CDHR1: variants seen among roughly 807,000 people sequenced by gnomAD.
The protein encoded by CDHR1 is cadherin related family member 1.
CDHR1 carries 61 observed loss-of-function variants against 72.1 expected under a neutral mutation model. That is an observed-to-expected ratio of 0.85 (90% CI 0.69 to 1.05). The LOEUF (loss-of-function observed/expected upper bound fraction) is 1.05. CDHR1 is among the 50% of genes least tolerant of loss of function. The pLI, the probability that CDHR1 is intolerant of heterozygous loss-of-function variation, is 0.00. For synonymous variants in CDHR1, 470 were observed against 448.1 expected (o/e 1.05, Z -0.62); for missense variants, 1,186 against 1,115.7 (o/e 1.06, Z -0.90).
intron 3 of CDHR1, 137 bp from the exon 4 acceptor site, chr10:84,197,649 T>C (rs2132790711): frequency 1.2e-6 from 1 of 807,598 alleles, no homozygotes. Flanking sequence ...CACCACCACT[T>C]ACCCTGCTCC....
rs758444886 is a variant in CDHR1 at position 84,214,243 on chromosome 10, G to A, written c.2202G>A (p.Leu734=). The change falls in exon 17 of 17, where the codon CTG becomes CTA. Residue 734 remains leucine (L), a synonymous_variant. Coordinates refer to ENST00000623527, the MANE Select transcript of CDHR1 (RefSeq NM_033100.4). ...GCAACAAGAAGTCTAACAAGGTCCT[G>A]CCAATGCGGCGGGTGCTCCGCAAGC... is the stretch of plus-strand genomic sequence containing the variant. ...FWRNKKSNKV[L]PMRRVLRKRP... The A allele has an allele frequency of 9.9e-6, 16 of 1,613,996 alleles. No individual in the cohort carries two copies. The highest frequency in any genetic ancestry group is 3.3e-5 in the Admixed American group (2 of 60,008).
chr10:84,208,026 CTTT>C (rs2132819803), intron 10 of CDHR1, 145 bp from the exon 11 acceptor site: 1 of 710,078 alleles, frequency 1.4e-6, no homozygotes, highest in African/African-American at 1.7e-5. Context: ...AGCTTGCCAT[CTTT>C]GCCATATATT....
chr10:84,201,655 G>T (rs1415054534), intron 6 of CDHR1, 152 bp from the exon 7 acceptor site: 1 of 667,444 alleles, frequency 1.5e-6, no homozygotes, highest in Admixed American at 2.2e-5. Flanking sequence ...GGAGAACCTG[G>T]GACCAGAAAA....
chr10:84,212,958 A>G (rs1842361848), intron 15 of CDHR1, 133 bp from the exon 16 acceptor site: 2 of 1,196,852 alleles, frequency 1.7e-6, no homozygotes, highest in Non-Finnish European at 2.5e-6. Flanking sequence ...TCCTTTCCCA[A>G]CTCAATCCTC....
chr10:84,214,780 G>C lies in CDHR1; in HGVS notation c.*159G>C, dbSNP rs1389232444. ...CTCATCTCTACCGCCACCTTCTGGC[G>C]CAACAAGAAGTTGCGCTCTGACAGG... On this transcript the variant is annotated 3_prime_UTR_variant, in exon 17 of 17. Coordinates refer to ENST00000623527, the MANE Select transcript of CDHR1 (RefSeq NM_033100.4). 1 of 1,553,730 alleles carries C rather than the reference G, an allele frequency of 6.4e-7. No homozygotes were observed. The highest frequency in any genetic ancestry group is 1.4e-5 in the African/African-American group (1 of 73,608).
At position 84,208,396 on chromosome 10, in the gene CDHR1, C is replaced by T. The variant is rs757350712; in HGVS notation, c.1167+19C>T. The T allele has an allele frequency of 1.4e-5, 23 of 1,612,568 alleles. No homozygotes were observed. In the East Asian group the frequency reaches 1.8e-4, roughly 12 times the overall value. ...CGACCAGGTGTGTGGTCCTGCCCTC[C>T]GCTCTGCCTTCTCACAAACGGTATG... On this transcript the variant is annotated intron_variant, in intron 11 of 16. Coordinates refer to ENST00000623527, the MANE Select transcript of CDHR1 (RefSeq NM_033100.4).
At chr10:84,206,780 G>A (rs1842233929) in intron 10 of CDHR1, among the ~76,000 whole-genome samples, 1 of 152,214 alleles carries the variant, frequency 6.6e-6, no homozygotes, top group South Asian at 2.1e-4. Context: ...ACCAGTCCCA[G>A]CCAGAATTTG....
chr10:84,205,435 C>G (rs1441065097), intron 9 of CDHR1, among the ~76,000 whole-genome samples: 2 of 151,832 alleles, frequency 1.3e-5, no homozygotes, highest in African/African-American at 4.8e-5. Context: ...TTTATTCCCT[C>G]CCTCCTGTCC....
downstream of CDHR1, chr10:84,219,058 T>TGAATAGA: frequency 2.4e-6 from 2 of 831,592 alleles, no homozygotes; most frequent in Middle Eastern, 4.6e-4. Flanking sequence ...ACTAATGTAC[T>TGAATAGA]ATTATTATTC....
At chr10:84,200,737 C>T (rs1262305469) in intron 6 of CDHR1, 50 bp downstream of exon 6, 10 of 1,294,010 alleles carry the variant, frequency 7.7e-6, no homozygotes, top group South Asian at 5.0e-5. Context: ...GGAGGGGACA[C>T]CTAGATGGCC....
At position 84,217,046 on chromosome 10, in the gene CDHR1, G is replaced by A; in HGVS notation, c.*2425G>A. Reference sequence around the variant, plus strand: ...ATCTTGCAAACTGGCCATGGATGGGGAAGTGCCCGGTAGCCAGCATGAGCC... The same window carrying A: ...ATCTTGCAAACTGGCCATGGATGGGAAAGTGCCCGGTAGCCAGCATGAGCC... On this transcript the variant is annotated 3_prime_UTR_variant, in exon 17 of 17. Coordinates refer to ENST00000623527, the MANE Select transcript of CDHR1 (RefSeq NM_033100.4). 1 of 985,688 alleles carries A rather than the reference G, an allele frequency of 1.0e-6. No homozygotes were observed. Among genetic ancestry groups the A allele is most frequent in the Non-Finnish European group, 1.2e-6 (1 of 830,100 alleles). 61.1% of individuals were successfully genotyped at this position (985,688 alleles called of 1,614,324 possible).
intron 8 of CDHR1, among the ~76,000 whole-genome samples, chr10:84,204,203 G>A (rs1288224573): frequency 1.3e-5 from 2 of 152,180 alleles, no homozygotes; most frequent in African/African-American, 4.8e-5. Flanking sequence ...AAGGCTAGAG[G>A]TTAGGGAGCA....
At position 84,215,768 on chromosome 10, in the gene CDHR1, G is replaced by T. The variant is rs749284278; in HGVS notation, c.*1147G>T. ...GAGCCTCACATCTACTCTGCCAAGC[G>T]CCCCAGCAGGCACTGTGCTGGGCTT... On this transcript the variant is annotated 3_prime_UTR_variant, in exon 17 of 17. Coordinates refer to ENST00000623527, the MANE Select transcript of CDHR1 (RefSeq NM_033100.4). 4.1e-6 allele frequency: 4 copies of T among 985,406 alleles called. No individual in the cohort carries two copies. In the South Asian group the frequency reaches 1.4e-4, roughly 35 times the overall value. 61.0% of individuals were successfully genotyped at this position (985,406 alleles called of 1,614,324 possible).
chr10:84,212,070 A>G, intron 14 of CDHR1, 109 bp from the exon 15 acceptor site: 1 of 970,848 alleles, frequency 1.0e-6, no homozygotes, highest in Non-Finnish European at 1.6e-6. Flanking sequence ...GAGGAGCTGC[A>G]TGACACCTCA....
At position 84,205,944 on chromosome 10, in the gene CDHR1, T is replaced by C; in HGVS notation, c.963+17T>C. ...CATGTACAGGTACCCTCCCTCTAGC[T>C]TTGTCTTCCCTGCCCACCTTTGGCC... On this transcript the variant is annotated intron_variant, in intron 10 of 16. Transcript: ENST00000623527. The C allele has an allele frequency of 6.3e-7, 1 of 1,593,820 alleles. No individual in the cohort carries two copies. The highest frequency in any genetic ancestry group is 8.6e-7 in the Non-Finnish European group (1 of 1,161,760).
At chr10:84,200,229 T>G (rs1842098801) in intron 5 of CDHR1, among the ~76,000 whole-genome samples, 1 of 152,144 alleles carries the variant, frequency 6.6e-6, no homozygotes, top group Non-Finnish European at 1.5e-5. Context: ...ATTCTTGCTC[T>G]AAAATGTAGG....
rs769608851 is a variant in CDHR1, at chr10:84,196,642, G to C, written c.289G>C (p.Asp97His). 6.2e-7 allele frequency: 1 copy of C among 1,614,164 alleles called. No homozygotes were observed. The change falls in exon 3 of 17, where the codon GAC becomes CAC. Residue 97 changes from aspartate (D) to histidine (H), a missense_variant. Transcript: ENST00000623527. ...AAACATCACCCTGGTTGAAGAGCTG[G>C]ACAGAGAGGTATGGGGAGGTGTGGG... ...FGNITLVEELDREREDEIEAI... is the reference protein window; with the variant it reads ...FGNITLVEELHREREDEIEAI...
Position 84,214,544 on chromosome 10 carries a change from C to T in CDHR1, c.2503C>T (p.Pro835Ser), listed in dbSNP as rs1564666674. 1.2e-6 allele frequency: 2 copies of T among 1,602,018 alleles called. No individual in the cohort carries two copies. The highest frequency in any genetic ancestry group is 1.7e-5 in the Admixed American group (1 of 60,014). ...PPPKPKTMGS[P>S]VQSTLISELK... ...GCCAAAACCCAAAACTATGGGAAGCCCCGTCCAGTCAACTCTGATCTCTGA... is the reference window on the plus strand; with the variant it reads ...GCCAAAACCCAAAACTATGGGAAGCTCCGTCCAGTCAACTCTGATCTCTGA... Residue 835 changes from proline to serine, a missense_variant, in exon 17 of 17, where the codon CCC becomes TCC. Coordinates refer to ENST00000623527, the MANE Select transcript of CDHR1 (RefSeq NM_033100.4).
In CDHR1 at chr10:84,216,292, T is replaced by C. The variant is rs1341689028; in HGVS notation, c.*1671T>C. ...TGGAGGTGTTACTGAGATGTGCCAG[T>C]GTGCAGAATCCTTGCTGGGGTTTCT... On this transcript the variant is annotated 3_prime_UTR_variant, in exon 17 of 17. Transcript: ENST00000623527. The C allele has an allele frequency of 8.1e-6, 8 of 985,520 alleles. No homozygotes were observed. The African/African-American group carries it at 1.2e-4, about 15-fold the overall frequency. 61.0% of individuals were successfully genotyped at this position (985,520 alleles called of 1,614,324 possible).
Sources: gnomAD v4.1 joint callset for allele counts (sites outside exome capture counted in the v4.1 genomes callset) on GRCh38, gnomAD v4.1.1 for gene constraint, MANE v1.5 for transcripts, NCBI Gene and HGNC (gene_info 2026-07-23, HGNC 2026-07-21) for gene names.